Variants in BAZ1B observed in about 807,000 individuals in gnomAD.
BAZ1B encodes the protein tyrosine-protein kinase BAZ1B.
Under a neutral mutation model 153.8 loss-of-function variants are expected in BAZ1B, and 22 were observed. The ratio of observed to expected loss-of-function variants is 0.14; its 90% confidence interval spans 0.10 to 0.20. BAZ1B has a LOEUF of 0.20. BAZ1B is among the 10% of genes least tolerant of loss of function. The pLI is 1.00. For synonymous variants in BAZ1B, 676 were observed against 633.4 expected (o/e 1.07, Z -1.01); for missense variants, 1,325 against 1,799.3 (o/e 0.74, Z 4.77).
At chr7:73,480,619 A>G (rs1297412371) in intron 6 of BAZ1B, among the ~76,000 whole-genome samples, 4 of 152,246 alleles carry the variant, frequency 2.6e-5, no homozygotes, top group Admixed American at 6.5e-5. Context: ...TCAGCTAAGT[A>G]CATCAATGGC....
intron 2 of BAZ1B, among the ~76,000 whole-genome samples, 190 bp downstream of exon 2, chr7:73,510,546 T>A (rs1554578436): frequency 6.6e-6 from 1 of 152,158 alleles, no homozygotes; most frequent in African/African-American, 2.4e-5. Context: ...TATAACTAAA[T>A]AAATATTCCA....
intron 1 of BAZ1B, among the ~76,000 whole-genome samples, chr7:73,511,053 C>A (rs1057138657): frequency 4.6e-5 from 7 of 152,022 alleles, no homozygotes; most frequent in African/African-American, 1.7e-4. Context: ...GGGCGGATCA[C>A]GAGGTCAGAT....
chr7:73,519,072 C>T (rs1397470713), intron 1 of BAZ1B, among the ~76,000 whole-genome samples: 11 of 152,228 alleles, frequency 7.2e-5, no homozygotes, highest in Admixed American at 4.6e-4. Flanking sequence ...GTACAATCAA[C>T]ATAATCACCA....
At chr7:73,462,547 G>A (rs782454685) in intron 12 of BAZ1B, 4 of 258,312 alleles carry the variant, frequency 1.5e-5, no homozygotes, top group South Asian at 4.2e-5. Flanking sequence ...TGAGCTGACT[G>A]AGTGTGAAGA....
intron 15 of BAZ1B, among the ~76,000 whole-genome samples, chr7:73,448,706 C>A (rs1411830704): frequency 1.3e-5 from 2 of 152,150 alleles, no homozygotes; most frequent in African/African-American, 4.8e-5. Context: ...GAGAAAGGCA[C>A]AAGAGGCAAG....
chr7:73,492,978 A>C lies in BAZ1B; in HGVS notation c.572-57T>G, dbSNP rs185037401. 2.3e-3 allele frequency: 3,499 copies of C among 1,523,144 alleles called. 11 individuals carry two copies. Among genetic ancestry groups the C allele is most frequent in the Non-Finnish European group, 2.5e-3 (2,798 of 1,129,678 alleles). 94.4% of individuals were successfully genotyped at this position (1,523,144 alleles called of 1,614,324 possible). On this transcript the variant is annotated intron_variant, in intron 4 of 19. Transcript: ENST00000339594. ...GTAATTATTTTAATCCTTTTCATTC[A>C]TTCATTAACAAGTCTTAACTGAACG...
chr7:73,459,434 G>A, intron 13 of BAZ1B, 102 bp downstream of exon 13: 2 of 1,188,882 alleles, frequency 1.7e-6, no homozygotes, highest in South Asian at 1.5e-5. Context: ...CTCACTCAGG[G>A]CACAGTGCCT....
chr7:73,481,936 A>T (rs1332081407), intron 6 of BAZ1B, among the ~76,000 whole-genome samples: 1 of 150,542 alleles, frequency 6.6e-6, no homozygotes, highest in Non-Finnish European at 1.5e-5. Flanking sequence ...TTACTCGGGA[A>T]GCTGAGGCAG....
intron 3 of BAZ1B, among the ~76,000 whole-genome samples, chr7:73,503,439 G>A (rs893256650): frequency 2.6e-5 from 4 of 151,884 alleles, no homozygotes; most frequent in African/African-American, 4.8e-5. Context: ...ACAGTGGTGC[G>A]ATCATAGCTC....
At chr7:73,498,840 GT>G in intron 3 of BAZ1B, 142 bp from the exon 4 acceptor site, 1 of 692,664 alleles carries the variant, frequency 1.4e-6, no homozygotes, top group Non-Finnish European at 2.4e-6. Context: ...ACAATGAAGT[GT>G]TTTCAACTTT....
chr7:73,521,681 G>A lies in BAZ1B; in HGVS notation c.107+146C>T, dbSNP rs1441306425. 1.5e-5 allele frequency: 8 copies of A among 532,066 alleles called. No homozygotes were observed. The East Asian group carries it at 3.0e-4, about 20-fold the overall frequency. 33.0% of individuals were successfully genotyped at this position (532,066 alleles called of 1,614,324 possible). A position where few individuals can be genotyped will look rare whatever the true frequency, so the allele number is the denominator to read the frequency against. On this transcript the variant is annotated intron_variant, in intron 1 of 19. Coordinates refer to ENST00000339594, the MANE Select transcript of BAZ1B (RefSeq NM_032408.4). ...GGAAGGATCGGCGGGCGCAGGCTGA[G>A]ACTCAGCCTCCAGGCCCGCGAGCGG...
At chr7:73,521,224 CCT>C (rs1389431767) in intron 1 of BAZ1B, among the ~76,000 whole-genome samples, 2 of 152,118 alleles carry the variant, frequency 1.3e-5, no homozygotes, top group Non-Finnish European at 2.9e-5. Flanking sequence ...CCCTCCCTTT[CCT>C]CTAAGCGGGG....
Position 73,459,560 on chromosome 7 carries a change from C to A in BAZ1B, c.3408G>T (p.Glu1136Asp). 2 of 1,613,130 alleles carry A rather than the reference C, an allele frequency of 1.2e-6. No individual in the cohort carries two copies. Among genetic ancestry groups the A allele is most frequent in the South Asian group, 2.2e-5 (2 of 91,008 alleles). The change falls in exon 13 of 20, where the codon GAG becomes GAT. Residue 1136 changes from glutamate to aspartate, a missense_variant. Around this residue, in one of 9 missense-constraint regions of BAZ1B, gnomAD observed 431 missense variants for 563.5 expected, o/e 0.76. Transcript: ENST00000339594. ...DSAKTEEVDE[E>D]KKMVEEAKVA... ...CCTTTGCTTCCTCTACCATTTTCTT[C>A]TCTTCATCCACTTCCTCAGTTTTTG... is the stretch of plus-strand genomic sequence containing the variant.
intron 1 of BAZ1B, among the ~76,000 whole-genome samples, chr7:73,513,682 G>C (rs1790676691): frequency 6.6e-6 from 1 of 152,162 alleles, no homozygotes; most frequent in Non-Finnish European, 1.5e-5. Flanking sequence ...GAATCAGTAA[G>C]TGGACTTATT....
chr7:73,497,561 T>C, intron 4 of BAZ1B, among the ~76,000 whole-genome samples: 1 of 152,304 alleles, frequency 6.6e-6, no homozygotes, highest in Non-Finnish European at 1.5e-5. Flanking sequence ...ATTTATGACA[T>C]ACCTAACTCT....
At chr7:73,488,841 T>C (rs550079932) in intron 6 of BAZ1B, among the ~76,000 whole-genome samples, 2 of 152,256 alleles carry the variant, frequency 1.3e-5, no homozygotes, top group South Asian at 2.1e-4. Flanking sequence ...TGTGATCATC[T>C]TGTCCGACAT....
chr7:73,515,501 C>T (rs1790760668), intron 1 of BAZ1B, among the ~76,000 whole-genome samples: 1 of 149,340 alleles, frequency 6.7e-6, no homozygotes, highest in Admixed American at 6.7e-5. Flanking sequence ...AGACATGTCA[C>T]ACACAGGGTC....
chr7:73,456,583 C>A (rs1583892331), intron 13 of BAZ1B, among the ~76,000 whole-genome samples: 1 of 152,042 alleles, frequency 6.6e-6, no homozygotes, highest in East Asian at 1.9e-4. Context: ...AAAAACAAAT[C>A]AAAACCACAA....
At chr7:73,491,986 CTTTTTTTT>C (rs782649883) in intron 5 of BAZ1B, among the ~76,000 whole-genome samples, 33 of 117,242 alleles carry the variant, frequency 2.8e-4, no homozygotes, top group African/African-American at 1.1e-3. Context: ...CAGCAAAACG[CTTTTTTTT>C]TTTTTTTTTT....
Sources: allele counts gnomAD v4.1 joint callset (sites outside exome capture counted in the v4.1 genomes callset), GRCh38; gene constraint gnomAD v4.1.1; regional missense constraint gnomAD v4.1.1; transcripts MANE v1.5; gene names NCBI Gene and HGNC (gene_info 2026-07-23, HGNC 2026-07-21).